ANO10: variants seen among roughly 807,000 people sequenced by gnomAD.
The protein encoded by ANO10 is anoctamin-10.
In ANO10, 77 loss-of-function variants were observed where a neutral mutation model predicts 74.7. The ratio of observed to expected loss-of-function variants is 1.03; its 90% CI spans 0.86 to 1.25. The LOEUF (loss-of-function observed/expected upper bound fraction) is 1.25. Ranked by LOEUF, ANO10 falls within the 50% of genes most tolerant of loss-of-function variation. ANO10 has a pLI of 0.00. For synonymous variants in ANO10, 279 were observed against 284.9 expected (o/e 0.98, Z 0.21); for missense variants, 721 against 778.1 (o/e 0.93, Z 0.87).
At chr3:43,375,956 A>T (rs1575598921) in intron 12 of ANO10, among the ~76,000 whole-genome samples, 1 of 152,366 alleles carries the variant, frequency 6.6e-6, no homozygotes, top group Middle Eastern at 3.4e-3. Flanking sequence ...TATCCAACTT[A>T]TTACCAACTG....
chr3:43,462,299 GGCTCACT>G (rs1365200834), intron 11 of ANO10, among the ~76,000 whole-genome samples: 2 of 152,092 alleles, frequency 1.3e-5, no homozygotes, highest in Non-Finnish European at 2.9e-5. Flanking sequence ...GTACGATCTT[GGCTCACT>G]GCAACCTCCG....
At chr3:43,649,145 C>T (rs2083759272) in intron 1 of ANO10, among the ~76,000 whole-genome samples, 1 of 152,126 alleles carries the variant, frequency 6.6e-6, no homozygotes, top group Non-Finnish European at 1.5e-5. Flanking sequence ...GATGAAGTTG[C>T]TCTGGTTCAA....
chr3:43,631,912 G>C (rs892819183), intron 1 of ANO10, among the ~76,000 whole-genome samples: 1 of 151,738 alleles, frequency 6.6e-6, no homozygotes, highest in Admixed American at 6.6e-5. Context: ...GTGAAACCCC[G>C]TCTCTACTAA....
chr3:43,469,741 T>A (rs948578627), intron 11 of ANO10, among the ~76,000 whole-genome samples: 5 of 152,252 alleles, frequency 3.3e-5, no homozygotes, highest in African/African-American at 1.2e-4. Context: ...AATCTTCTTC[T>A]AATGACTAGA....
intron 11 of ANO10, among the ~76,000 whole-genome samples, chr3:43,482,915 G>A (rs4368477): frequency 0.024 from 3,610 of 152,260 alleles, 147 homozygotes; most frequent in African/African-American, 0.081. Flanking sequence ...CTGTACCCTT[G>A]CAGTCAGCTG....
Position 43,561,341 on chromosome 3 carries a change from G to T in ANO10, c.1355C>A (p.Pro452His). ...ILNQIMESFL[P>H]YWLQRKHGVR... ...ACCATGCTTCCTTTGGAGCCAATAA[G>T]GAAGAAAAGATTCCATAATTTGGTT... Residue 452 changes from proline (P) to histidine (H), a missense_variant, in exon 9 of 13, where the codon CCT (proline) becomes CAT (histidine). By Grantham distance (77) the Pro-to-His change is moderately conservative. Transcript: ENST00000292246. 1 of 1,614,114 alleles carries T rather than the reference G, an allele frequency of 6.2e-7. No individual in the cohort carries two copies. The highest frequency in any genetic ancestry group is 8.5e-7 in the Non-Finnish European group (1 of 1,180,020).
chr3:43,610,909 C>T (rs1000435000), intron 1 of ANO10, among the ~76,000 whole-genome samples: 3 of 152,062 alleles, frequency 2.0e-5, no homozygotes, highest in Admixed American at 6.6e-5. Flanking sequence ...GAAATGAACC[C>T]CAAAAGAACC....
chr3:43,466,569 G>C (rs1053827687), intron 11 of ANO10, among the ~76,000 whole-genome samples: 1 of 151,980 alleles, frequency 6.6e-6, no homozygotes, highest in Non-Finnish European at 1.5e-5. Flanking sequence ...ATTCATATAG[G>C]AAAACAATGA....
At chr3:43,403,179 A>G (rs1164775325) in intron 12 of ANO10, among the ~76,000 whole-genome samples, 1 of 152,270 alleles carries the variant, frequency 6.6e-6, no homozygotes, top group Non-Finnish European at 1.5e-5. Context: ...CACAGGATAC[A>G]GCCACAGTTC....
chr3:43,676,834 G>T (rs766334879), intron 1 of ANO10, among the ~76,000 whole-genome samples: 6 of 149,524 alleles, frequency 4.0e-5, no homozygotes, highest in Non-Finnish European at 7.4e-5. Flanking sequence ...AAATTAACCA[G>T]ATAATTTTTT....
At chr3:43,658,856 T>C (rs929516155) in intron 1 of ANO10, among the ~76,000 whole-genome samples, 3 of 152,158 alleles carry the variant, frequency 2.0e-5, no homozygotes, top group Admixed American at 2.0e-4. Flanking sequence ...TAGTTAACTT[T>C]AGAGAGGTGC....
intron 1 of ANO10, among the ~76,000 whole-genome samples, chr3:43,635,329 G>A (rs2083593924): frequency 1.3e-5 from 2 of 152,114 alleles, no homozygotes; most frequent in Admixed American, 1.3e-4. Context: ...CTAATCGTCT[G>A]AACTCTGGGT....
intron 3 of ANO10, 136 bp downstream of exon 3, chr3:43,600,248 A>C: frequency 1.1e-6 from 1 of 949,822 alleles, no homozygotes; most frequent in Non-Finnish European, 1.7e-6. Flanking sequence ...TGCAGCAGAG[A>C]CCACACGGAC....
At position 43,541,081 on chromosome 3, in the gene ANO10, T is replaced by C. The variant is rs548143891; in HGVS notation, c.1797+8639A>G. On this transcript the variant is annotated intron_variant, in intron 11 of 12. Transcript: ENST00000292246. ...AAAAAAACCCAGTTCCATAATTCTA[T>C]TCAAAAGCACCCTAATCCAAAAATA... Among the ~76,000 whole-genome samples, 29 of 152,260 alleles carry C rather than the reference T, an allele frequency of 1.9e-4. No individual in the cohort carries two copies. In the South Asian group the frequency reaches 6.0e-3, roughly 32 times the overall value.
chr3:43,386,985 A>G (rs2092139904), intron 12 of ANO10, among the ~76,000 whole-genome samples: 1 of 151,902 alleles, frequency 6.6e-6, no homozygotes. Flanking sequence ...TCTTCACTGG[A>G]CTCTAGGAAC....
intron 1 of ANO10, among the ~76,000 whole-genome samples, chr3:43,689,828 G>A (rs2084327891): frequency 6.6e-6 from 1 of 152,092 alleles, no homozygotes; most frequent in Non-Finnish European, 1.5e-5. Flanking sequence ...TAATATATTC[G>A]CGTAGGATCT....
chr3:43,410,282 T>G (rs1342763765), intron 12 of ANO10, among the ~76,000 whole-genome samples: 1 of 152,078 alleles, frequency 6.6e-6, no homozygotes, highest in Admixed American at 6.6e-5. Flanking sequence ...ACAGAGTCTC[T>G]CTGTCTCACC....
At chr3:43,381,938 T>C (rs2091970817) in intron 12 of ANO10, among the ~76,000 whole-genome samples, 1 of 152,028 alleles carries the variant, frequency 6.6e-6, no homozygotes, top group African/African-American at 2.4e-5. Context: ...TGCAAATACA[T>C]GGAAATTAAA....
chr3:43,592,892 G>C (rs1006882478), intron 4 of ANO10, among the ~76,000 whole-genome samples: 2 of 152,104 alleles, frequency 1.3e-5, no homozygotes, highest in African/African-American at 2.4e-5. Flanking sequence ...AGAATAAATA[G>C]CATAGAGAAG....
Sources: gnomAD v4.1 joint callset for allele counts (sites outside exome capture counted in the v4.1 genomes callset) on GRCh38, gnomAD v4.1.1 for gene constraint, MANE v1.5 for transcripts, NCBI Gene and HGNC (gene_info 2026-07-23, HGNC 2026-07-21) for gene names.